Variants in MAPKAPK5 observed in about 807,000 individuals in gnomAD.
The protein encoded by MAPKAPK5 is MAPK activated protein kinase 5, also known as MAP kinase-activated protein kinase 5.
In MAPKAPK5, 30 loss-of-function variants were observed where a neutral mutation model predicts 65.1. That is an observed-to-expected ratio of 0.46 (90% CI 0.34 to 0.63). The LOEUF is 0.63. Among genes scored for constraint, MAPKAPK5 ranks in the 20% least tolerant of loss-of-function variants. The pLI, the probability that MAPKAPK5 is intolerant of heterozygous loss-of-function variation, is 0.01. For missense variants in MAPKAPK5, 433 were observed against 581.4 expected, an observed-to-expected ratio of 0.74 and a Z score of 2.63; for synonymous variants, 179 against 204.6, an observed-to-expected ratio of 0.87 and a Z score of 1.07.
chr12:111,852,857 T>G (rs2069127767), intron 1 of MAPKAPK5, among the ~76,000 whole-genome samples: 1 of 152,144 alleles, frequency 6.6e-6, no homozygotes, highest in Non-Finnish European at 1.5e-5. Flanking sequence ...GACGGCAACC[T>G]CTGCCTCCCA....
chr12:111,877,816 G>A (rs1324591079), intron 7 of MAPKAPK5, among the ~76,000 whole-genome samples: 1 of 152,006 alleles, frequency 6.6e-6, no homozygotes, highest in Non-Finnish European at 1.5e-5. Context: ...TAGGAGCTGG[G>A]ACCATAGGCA....
At chr12:111,878,875 TTATC>T (rs1327803823) in intron 7 of MAPKAPK5, among the ~76,000 whole-genome samples, 6 of 152,344 alleles carry the variant, frequency 3.9e-5, no homozygotes, top group Admixed American at 2.6e-4. Context: ...ATTGATCTCT[TTATC>T]TATCTTTACC....
At chr12:111,877,661 G>A (rs1292900182) in intron 7 of MAPKAPK5, among the ~76,000 whole-genome samples, 1 of 151,938 alleles carries the variant, frequency 6.6e-6, no homozygotes, top group Non-Finnish European at 1.5e-5. Context: ...AGAGTTCTTT[G>A]TATATTTCAG....
intron 6 of MAPKAPK5, 34 bp from the exon 7 acceptor site, chr12:111,871,051 C>A: frequency 1.3e-6 from 2 of 1,546,332 alleles, no homozygotes; most frequent in African/African-American, 1.4e-5. Context: ...ACTGAGCACT[C>A]TGGAGCAGTG....
intron 5 of MAPKAPK5, 119 bp from the exon 6 acceptor site, chr12:111,870,152 T>C (rs1566250124): frequency 1.9e-6 from 1 of 526,374 alleles, no homozygotes; most frequent in Non-Finnish European, 3.3e-6. Flanking sequence ...TGCTTTAAAA[T>C]TGAAAGTGAA....
In MAPKAPK5 at chr12:111,842,709, C is replaced by T. The variant is rs1165869585; in HGVS notation, c.-25C>T. Reference sequence around the variant, plus strand: ...GGGCTGCTGAGCAGCCTCCGCCTCTCCCGGCTGTGGGGGCCCCACTGAGTA... The same window carrying T: ...GGGCTGCTGAGCAGCCTCCGCCTCTTCCGGCTGTGGGGGCCCCACTGAGTA... On this transcript the variant is annotated 5_prime_UTR_variant, in exon 1 of 14. Coordinates refer to ENST00000550735, the MANE Select transcript of MAPKAPK5 (RefSeq NM_003668.4). 51 of 1,372,640 alleles carry T rather than the reference C, an allele frequency of 3.7e-5. No homozygotes were observed. Among genetic ancestry groups the T allele is most frequent in the Non-Finnish European group, 4.7e-5 (50 of 1,057,460 alleles). The allele number at this position is 1,372,640 out of a possible 1,614,324, so 85.0% of individuals were successfully genotyped here.
At chr12:111,851,474 C>T (rs1678005786) in intron 1 of MAPKAPK5, among the ~76,000 whole-genome samples, 1 of 152,102 alleles carries the variant, frequency 6.6e-6, no homozygotes, top group East Asian at 1.9e-4. Context: ...TACAGGCATG[C>T]TCCACAATGC....
At chr12:111,843,496 G>T in intron 1 of MAPKAPK5, 1 of 381,604 alleles carries the variant, frequency 2.6e-6, no homozygotes, top group Non-Finnish European at 4.6e-6. Context: ...CTTGACAGCT[G>T]TAGCTAAGAA....
chr12:111,854,261 G>A (rs1185556684), intron 1 of MAPKAPK5, among the ~76,000 whole-genome samples: 3 of 144,452 alleles, frequency 2.1e-5, no homozygotes, highest in Non-Finnish European at 4.5e-5. Context: ...TTTTTGAGAT[G>A]GAGTCTCATT....
intron 7 of MAPKAPK5, among the ~76,000 whole-genome samples, chr12:111,877,829 C>T (rs921281191): frequency 5.3e-5 from 8 of 151,908 alleles, no homozygotes; most frequent in South Asian, 2.1e-4. Context: ...CATAGGCATA[C>T]GCCACCACAT....
At position 111,893,239 on chromosome 12, in the gene MAPKAPK5, C is replaced by T. The variant is rs2070688821; in HGVS notation, c.*178C>T. On this transcript the variant is annotated 3_prime_UTR_variant, in exon 14 of 14. Transcript: ENST00000550735. ...TTATTGTTTGTTTTTAAGAAAAGCT[C>T]AGTTCTAGAGACATACTATTACTTT... The T allele has an allele frequency of 7.3e-6, 3 of 409,936 alleles. No individual in the cohort carries two copies. Among genetic ancestry groups the T allele is most frequent in the Non-Finnish European group, 1.3e-5 (3 of 228,572 alleles). 25.4% of individuals were successfully genotyped at this position (409,936 alleles called of 1,614,324 possible).
At chr12:111,852,802 C>G (rs183218266) in intron 1 of MAPKAPK5, among the ~76,000 whole-genome samples, 2 of 152,044 alleles carry the variant, frequency 1.3e-5, no homozygotes, top group Admixed American at 1.3e-4. Context: ...GAGACAGAGT[C>G]TCACTCTGTC....
chr12:111,864,516 A>G (rs940703894), intron 1 of MAPKAPK5, among the ~76,000 whole-genome samples: 10 of 152,182 alleles, frequency 6.6e-5, no homozygotes, highest in African/African-American at 9.6e-5. Flanking sequence ...TATAATAAAT[A>G]AGTGAGTGAA....
intron 3 of MAPKAPK5, among the ~76,000 whole-genome samples, chr12:111,866,521 C>T (rs1049494994): frequency 6.6e-6 from 1 of 152,164 alleles, no homozygotes; most frequent in Non-Finnish European, 1.5e-5. Flanking sequence ...GAAGAAGGTA[C>T]TTAAAGGTGG....
chr12:111,845,078 C>T (rs1455167947), intron 1 of MAPKAPK5, among the ~76,000 whole-genome samples: 2 of 152,106 alleles, frequency 1.3e-5, no homozygotes, highest in African/African-American at 4.8e-5. Flanking sequence ...GCAGCAATGT[C>T]ACTTAGTGGT....
Position 111,900,807 on chromosome 12 carries a change from C to CA in MAPKAPK5, c.*7747dup, listed in dbSNP as rs1181592594. On this transcript the variant is annotated 3_prime_UTR_variant, in exon 14 of 14. Coordinates refer to ENST00000550735, the MANE Select transcript of MAPKAPK5 (RefSeq NM_003668.4). ...ATCTGCATTATGCCCCAACAACAGG[C>CA]ATAAGCAAGATGGCTCAAAATGTCA... The CA allele has an allele frequency of 2.2e-6, 1 of 456,098 alleles. No homozygotes were observed. Among genetic ancestry groups the CA allele is most frequent in the Non-Finnish European group, 4.4e-6 (1 of 226,804 alleles). 28.3% of individuals were successfully genotyped at this position (456,098 alleles called of 1,614,324 possible).
At chr12:111,888,411 C>T in intron 10 of MAPKAPK5, 77 bp from the exon 11 acceptor site, 1 of 1,565,480 alleles carries the variant, frequency 6.4e-7, no homozygotes, top group Non-Finnish European at 8.6e-7. Context: ...TTGAGCTTTT[C>T]CTTTCCACTT....
intron 7 of MAPKAPK5, 101 bp downstream of exon 7, chr12:111,871,281 G>A (rs2069773725): frequency 1.4e-5 from 12 of 887,200 alleles, no homozygotes; most frequent in Middle Eastern, 4.5e-4. Flanking sequence ...TTACAGATGG[G>A]AGGGGGAGAA....
At chr12:111,867,541 C>T (rs748259595) in intron 3 of MAPKAPK5, 31 bp from the exon 4 acceptor site, 14 of 1,528,628 alleles carry the variant, frequency 9.2e-6, no homozygotes, top group Admixed American at 6.7e-5. Context: ...TATCCCCTAC[C>T]TATTGATACA....
Sources: gnomAD v4.1 joint callset for allele counts (sites outside exome capture counted in the v4.1 genomes callset) on GRCh38, gnomAD v4.1.1 for gene constraint, MANE v1.5 for transcripts, NCBI Gene and HGNC (gene_info 2026-07-23, HGNC 2026-07-21) for gene names.